The following ELAVL2 variants were observed in gnomAD, a reference collection of about 807,000 sequenced individuals.
ELAVL2 encodes ELAV like RNA binding protein 2.
ELAVL2 carries 4 observed loss-of-function variants against 34.6 expected under a neutral mutation model. That is an observed-to-expected ratio of 0.12 (90% CI 0.06 to 0.26). The LOEUF (loss-of-function observed/expected upper bound fraction) is 0.26. ELAVL2 is among the 10% of genes least tolerant of loss of function. The pLI is 1.00. For missense variants in ELAVL2, 432 were observed against 442.8 expected (o/e 0.98, Z 0.22); for synonymous variants, 193 against 154.8 (o/e 1.25, Z -1.83).
chr9:23,807,449 A>G (rs2062385229), intron 1 of ELAVL2, among the ~76,000 whole-genome samples: 1 of 152,078 alleles, frequency 6.6e-6, no homozygotes, highest in Admixed American at 6.6e-5. Context: ...AGCCACTGAC[A>G]TTTTTTTAAA....
At chr9:23,723,864 C>G (rs1282957161) in intron 3 of ELAVL2, among the ~76,000 whole-genome samples, 1 of 152,062 alleles carries the variant, frequency 6.6e-6, no homozygotes, top group Middle Eastern at 3.2e-3. Flanking sequence ...ACCACATGCC[C>G]CTTTCAATTC....
chr9:23,695,173 T>G (rs1222900748), intron 5 of ELAVL2, among the ~76,000 whole-genome samples: 3 of 152,144 alleles, frequency 2.0e-5, no homozygotes, highest in African/African-American at 7.2e-5. Context: ...GACAAACACA[T>G]ATTAGCACCA....
intron 1 of ELAVL2, among the ~76,000 whole-genome samples, chr9:23,802,521 T>G (rs2061690298): frequency 1.3e-5 from 2 of 152,146 alleles, no homozygotes; most frequent in South Asian, 4.1e-4. Flanking sequence ...GAAAGATGAC[T>G]GCCCACTCCT....
At chr9:23,695,427 CG>C (rs34603617) in intron 5 of ELAVL2, among the ~76,000 whole-genome samples, 152,266 of 152,286 alleles carry the variant, frequency 1, 76,123 homozygotes, top group Middle Eastern at 1. Context: ...ACCAAGCATA[CG>C]GCCCAGAGAC....
At chr9:23,834,649 G>C in the ELAVL2 span, among the ~76,000 whole-genome samples, 65 of 152,086 alleles carry the variant, frequency 4.3e-4, 1 homozygote, top group East Asian at 0.012. Flanking sequence ...TTTGCATACT[G>C]TCTCTTAAAT....
chr9:23,748,188 T>G, intron 2 of ELAVL2, among the ~76,000 whole-genome samples: 1 of 143,284 alleles, frequency 7.0e-6, no homozygotes, highest in African/African-American at 2.6e-5. Context: ...GGGGAAAGAG[T>G]ACTAGGGAAG....
At chr9:23,761,596 T>C (rs1384619373) in intron 2 of ELAVL2, among the ~76,000 whole-genome samples, 1 of 151,996 alleles carries the variant, frequency 6.6e-6, no homozygotes, top group Admixed American at 6.6e-5. Context: ...ATAAGCAAAA[T>C]GATTATATTA....
At chr9:23,723,906 T>C (rs1408128925) in intron 3 of ELAVL2, among the ~76,000 whole-genome samples, 1 of 152,040 alleles carries the variant, frequency 6.6e-6, no homozygotes, top group African/African-American at 2.4e-5. Context: ...ACAGCAACAA[T>C]TTCCTAAACC....
At chr9:23,754,648 A>G (rs976202378) in intron 2 of ELAVL2, among the ~76,000 whole-genome samples, 1 of 151,954 alleles carries the variant, frequency 6.6e-6, no homozygotes, top group Non-Finnish European at 1.5e-5. Context: ...TTTCAGTACA[A>G]TCAGGGTTTC....
At chr9:23,815,180 A>C (rs72693572) in intron 1 of ELAVL2, among the ~76,000 whole-genome samples, 21,247 of 152,180 alleles carry the variant, frequency 0.14, 1,860 homozygotes, top group Middle Eastern at 0.19. Context: ...TAAATGGTTA[A>C]ATTTAAAATT....
At chr9:23,832,586 T>C in the ELAVL2 span, among the ~76,000 whole-genome samples, 1 of 152,212 alleles carries the variant, frequency 6.6e-6, no homozygotes, top group African/African-American at 2.4e-5. Flanking sequence ...GAATTGCAAG[T>C]TCGTTGGTGT....
At chr9:23,729,129 T>A (rs770254294) in intron 3 of ELAVL2, among the ~76,000 whole-genome samples, 15 of 152,178 alleles carry the variant, frequency 9.9e-5, no homozygotes, top group Non-Finnish European at 1.9e-4. Flanking sequence ...GAGACCTATT[T>A]CCCCTGCATT....
intron 1 of ELAVL2, among the ~76,000 whole-genome samples, chr9:23,808,963 A>G (rs1588704673): frequency 6.6e-6 from 1 of 152,296 alleles, no homozygotes; most frequent in South Asian, 2.1e-4. Flanking sequence ...GCCAAATTTA[A>G]GGAAACACAA....
At chr9:23,772,777 T>G (rs1471457502) in intron 1 of ELAVL2, among the ~76,000 whole-genome samples, 1 of 152,178 alleles carries the variant, frequency 6.6e-6, no homozygotes, top group Non-Finnish European at 1.5e-5. Context: ...TGAAATGTGT[T>G]TTTCTTTTCT....
intron 1 of ELAVL2, among the ~76,000 whole-genome samples, chr9:23,806,222 T>C (rs1342667228): frequency 6.6e-6 from 1 of 152,180 alleles, no homozygotes; most frequent in Non-Finnish European, 1.5e-5. Flanking sequence ...TACAACTTCA[T>C]AGCAACCAAA....
At chr9:23,768,798 A>G (rs58681542) in intron 1 of ELAVL2, among the ~76,000 whole-genome samples, 6,918 of 152,272 alleles carry the variant, frequency 0.045, 216 homozygotes, top group Middle Eastern at 0.15. Flanking sequence ...CTTCAGGAAA[A>G]TGGCAAAATC....
At chr9:23,839,210 GTGTTC>G in the ELAVL2 span, among the ~76,000 whole-genome samples, 1 of 151,734 alleles carries the variant, frequency 6.6e-6, no homozygotes, top group African/African-American at 2.4e-5. Flanking sequence ...GTATTTTAAT[GTGTTC>G]TGTTATCTTT....
At chr9:23,709,105 G>A (rs1429810226) in intron 3 of ELAVL2, among the ~76,000 whole-genome samples, 3 of 152,040 alleles carry the variant, frequency 2.0e-5, no homozygotes, top group Admixed American at 6.6e-5. Flanking sequence ...AGGAAATAAA[G>A]GTGTAAGAAA....
At position 23,755,320 on chromosome 9, in the gene ELAVL2, T is replaced by C. The variant is rs2053282372; in HGVS notation, c.229+6686A>G. Among the ~76,000 whole-genome samples, 3 of 152,114 alleles carry C rather than the reference T, an allele frequency of 2.0e-5. No homozygotes were observed. In the South Asian group the frequency reaches 6.2e-4, roughly 31 times the overall value. On this transcript the variant is annotated intron_variant, in intron 2 of 6. Coordinates refer to ENST00000397312, the MANE Select transcript of ELAVL2 (RefSeq NM_004432.5). ...TCATCCTGTAATCTTTCCACTAAACTAATCAAGGCTGACACTGAAAATTGT... is the reference window on the plus strand; with the variant it reads ...TCATCCTGTAATCTTTCCACTAAACCAATCAAGGCTGACACTGAAAATTGT...
Sources: allele counts gnomAD v4.1 joint callset (sites outside exome capture counted in the v4.1 genomes callset), GRCh38; gene constraint gnomAD v4.1.1; transcripts MANE v1.5; gene names NCBI Gene and HGNC (gene_info 2026-07-23, HGNC 2026-07-21).